Variants in ASB2 observed in about 807,000 individuals in gnomAD.
The protein encoded by ASB2 is ankyrin repeat and SOCS box protein 2.
In ASB2, 58 loss-of-function variants were observed where a neutral mutation model predicts 62.4. The observed-to-expected ratio is 0.93, with a 90% CI of 0.75 to 1.16. The LOEUF (loss-of-function observed/expected upper bound fraction) is 1.16, where lower values mean the gene tolerates loss of function less well. Among genes scored for constraint, ASB2 ranks in the 50% most tolerant of loss-of-function variants. The pLI, the probability that ASB2 is intolerant of heterozygous loss-of-function variation, is 0.00. For missense variants in ASB2, 928 were observed against 887.9 expected, an observed-to-expected ratio of 1.05 and a Z score of -0.57; for synonymous variants, 386 against 385.3, an observed-to-expected ratio of 1.00 and a Z score of -0.02.
chr14:93,963,941 C>T (rs1467714676), intron 2 of ASB2, among the ~76,000 whole-genome samples: 1 of 152,084 alleles, frequency 6.6e-6, no homozygotes, highest in Non-Finnish European at 1.5e-5. Context: ...GGCAGACATC[C>T]CTTGCTCACC....
chr14:93,956,616 G>A lies in ASB2; in HGVS notation c.311+150C>T, dbSNP rs950463615. 1.4e-5 allele frequency: 15 copies of A among 1,057,112 alleles called. No homozygotes were observed. In the African/African-American group the frequency reaches 2.2e-4, roughly 16 times the overall value. The allele number at this position is 1,057,112 out of a possible 1,614,324, so 65.5% of individuals were successfully genotyped here. A position where few individuals can be genotyped will look rare whatever the true frequency, so the allele number is the denominator to read the frequency against. On this transcript the variant is annotated intron_variant, in intron 3 of 9. Transcript: ENST00000555019. ...CTCAGCAGGAGCAGTGGGGCCCCAG[G>A]GGGGCACCCCTAGAAGGAGCGTGCC...
intron 7 of ASB2, among the ~76,000 whole-genome samples, chr14:93,946,045 A>G (rs1203793367): frequency 6.6e-6 from 1 of 152,264 alleles, no homozygotes; most frequent in Non-Finnish European, 1.5e-5. Flanking sequence ...CATTGTAAGT[A>G]AAAACATTAT....
intron 7 of ASB2, chr14:93,940,374 G>A (rs1321289864): frequency 2.0e-5 from 3 of 152,246 alleles, no homozygotes; most frequent in Non-Finnish European, 4.4e-5. Flanking sequence ...GGCTTGCCCA[G>A]TCATACAGTC....
At chr14:93,960,023 A>G (rs5023639) in intron 2 of ASB2, among the ~76,000 whole-genome samples, 20,061 of 151,676 alleles carry the variant, frequency 0.13, 1,723 homozygotes, top group African/African-American at 0.25. Context: ...CCCCACGCCC[A>G]CCACTGTGCC....
chr14:93,945,516 G>A (rs945499442), intron 7 of ASB2, among the ~76,000 whole-genome samples: 3 of 152,156 alleles, frequency 2.0e-5, no homozygotes, highest in Non-Finnish European at 4.4e-5. Context: ...CTGGTCCTCC[G>A]ACAACCCCAT....
At chr14:93,937,483 G>T (rs1485723018) in intron 9 of ASB2, among the ~76,000 whole-genome samples, 1 of 152,208 alleles carries the variant, frequency 6.6e-6, no homozygotes, top group African/African-American at 2.4e-5. Context: ...TCAAACCTGG[G>T]TTTTAATCCC....
At chr14:93,937,968 C>T in intron 8 of ASB2, 117 bp from the exon 9 acceptor site, 1 of 1,098,404 alleles carries the variant, frequency 9.1e-7, no homozygotes, top group African/African-American at 1.6e-5. Flanking sequence ...AGGCTAGGAT[C>T]CCCTGAACCA....
intron 7 of ASB2, chr14:93,943,750 C>T (rs1395601420): frequency 2.1e-5 from 7 of 336,024 alleles, no homozygotes; most frequent in Non-Finnish European, 3.5e-5. Context: ...GCCACCCTGA[C>T]TTGTTTTCTA....
rs1188898380 is a variant in ASB2, at chr14:93,939,339, G to A, written c.1386C>T (p.Asp462=). 5 of 1,611,818 alleles carry A rather than the reference G, an allele frequency of 3.1e-6. No homozygotes were observed. In the South Asian group the frequency reaches 5.5e-5, roughly 18 times the overall value. The change falls in exon 8 of 10, where the codon GAC becomes GAT. Residue 462 remains aspartate, a synonymous_variant. Coordinates refer to ENST00000555019, the MANE Select transcript of ASB2 (RefSeq NM_001202429.2). The part of the protein sequence containing the change: ...GCLRTMQLLL[D]HGANIDAYIA... The stretch of plus-strand genomic sequence containing the variant: ...TATAGGCGTCGATGTTCGCGCCGTG[G>A]TCCAGCAGCAGCTGCATTGTGCGCA...
rs746369094 is a variant in ASB2 at position 93,954,453 on chromosome 14, C to A, written c.342G>T (p.Lys114Asn). ...TCTTCAAGGCCTCTTCATCGCCATC[C>A]TTGATGGCCTTTATCAAGGGGTCCG... ...APADPLIKAIKDGDEEALKTM... is the reference protein window; with the variant it reads ...APADPLIKAINDGDEEALKTM... Residue 114 changes from lysine (K) to asparagine (N), a missense_variant, in exon 4 of 10, where the codon AAG becomes AAT. Physicochemically the swap from Lys to Asn is moderately conservative, Grantham distance 94. Coordinates refer to ENST00000555019, the MANE Select transcript of ASB2 (RefSeq NM_001202429.2). The A allele has an allele frequency of 1.2e-6, 2 of 1,614,222 alleles. No individual in the cohort carries two copies. Among genetic ancestry groups the A allele is most frequent in the Non-Finnish European group, 8.5e-7 (1 of 1,180,024 alleles).
intron 6 of ASB2, 37 bp downstream of exon 6, chr14:93,950,962 T>TG (rs1888931606): frequency 6.3e-7 from 1 of 1,591,742 alleles, no homozygotes; most frequent in Non-Finnish European, 8.6e-7. Flanking sequence ...GTGTGCCCTT[T>TG]GGGGACTCCA....
chr14:93,942,387 C>A, intron 7 of ASB2: 1 of 430,720 alleles, frequency 2.3e-6, no homozygotes, highest in South Asian at 1.6e-5. Context: ...GAGACCGGAG[C>A]AGATCCAGCT....
At position 93,959,319 on chromosome 14, in the gene ASB2, C is replaced by T. The variant is rs113169686; in HGVS notation, c.207-2449G>A. 4.3e-3 allele frequency among the ~76,000 whole-genome samples: 657 copies of T among 152,288 alleles called. 4 individuals are homozygous for T. Among genetic ancestry groups the T allele is most frequent in the African/African-American group, 0.014 (593 of 41,552 alleles). ...AGAGTCACAGAGGACGGGCTGAGAT[C>T]GGGGCAGAAGGGCTCATTCTGGGAG... On this transcript the variant is annotated intron_variant, in intron 2 of 9. Coordinates refer to ENST00000555019, the MANE Select transcript of ASB2 (RefSeq NM_001202429.2).
rs58375717 is a variant in ASB2, at chr14:93,955,630, C to T, written c.311+1136G>A. On this transcript the variant is annotated intron_variant, in intron 3 of 9. Transcript: ENST00000555019. ...TTTCTCGTGGCCTTGGCGAGCAGGG[C>T]GTGGTGCAGTGTCGTGAGAACACTT... 5.5e-4 allele frequency: 93 copies of T among 169,486 alleles called. 4 individuals are homozygous for T. In the East Asian group the frequency reaches 0.01, roughly 18 times the overall value. The allele number at this position is 169,486 out of a possible 1,614,324, so 10.5% of individuals were successfully genotyped here.
At chr14:93,972,293 C>T (rs1889779268) in intron 1 of ASB2, among the ~76,000 whole-genome samples, 1 of 152,018 alleles carries the variant, frequency 6.6e-6, no homozygotes, top group Non-Finnish European at 1.5e-5. Flanking sequence ...CTGCCTTTCC[C>T]CCCAGGATCC....
intron 9 of ASB2, 61 bp from the exon 10 acceptor site, chr14:93,934,853 A>G (rs572696673): frequency 4.4e-4 from 635 of 1,437,268 alleles, no homozygotes; most frequent in Non-Finnish European, 5.3e-4. Context: ...AAGGGATTGC[A>G]TCTGTGACCC....
Position 93,951,108 on chromosome 14 carries a change from CA to C in ASB2, c.770del (p.Leu257ArgfsTer2). 6.2e-7 allele frequency: 1 copy of C among 1,614,224 alleles called. No individual in the cohort carries two copies. Among genetic ancestry groups the C allele is most frequent in the Non-Finnish European group, 8.5e-7 (1 of 1,180,052 alleles). On this transcript the variant is annotated frameshift_variant, in exon 6 of 10. Coordinates refer to ENST00000555019, the MANE Select transcript of ASB2 (RefSeq NM_001202429.2). LOFTEE classifies it high-confidence loss of function. Reference protein sequence around the residue: ...SRNDLEVMQILVSGGAKVESK... With the variant: ...SRNDLEVMQIXVSGGAKVESK... Reference sequence around the variant, plus strand: ...ATTCCACCTTGGCTCCTCCGCTCACCAGGATCTGCATGACCTCCAGGTCATT... The same window carrying C: ...ATTCCACCTTGGCTCCTCCGCTCACCGGATCTGCATGACCTCCAGGTCATT...
chr14:93,953,946 C>A (rs995744834), intron 4 of ASB2, among the ~76,000 whole-genome samples: 1 of 152,174 alleles, frequency 6.6e-6, no homozygotes. Context: ...ACGGCTGTCC[C>A]GCGGTCCCAC....
At chr14:93,970,351 G>A (rs192038807) in intron 1 of ASB2, among the ~76,000 whole-genome samples, 442 of 152,326 alleles carry the variant, frequency 2.9e-3, no homozygotes, top group African/African-American at 0.01. Context: ...CCTTGGCTGT[G>A]TTTGTGGATG....
Sources: allele counts gnomAD v4.1 joint callset (sites outside exome capture counted in the v4.1 genomes callset), GRCh38; gene constraint gnomAD v4.1.1; transcripts MANE v1.5; gene names NCBI Gene and HGNC (gene_info 2026-07-23, HGNC 2026-07-21).